The following EPHA6 variants were observed in gnomAD, a reference collection of about 807,000 sequenced individuals.
EPHA6 encodes ephrin type-A receptor 6.
A neutral mutation model predicts 112.0 loss-of-function variants in EPHA6; 50 were observed. The ratio of observed to expected loss-of-function variants is 0.45; its 90% CI spans 0.36 to 0.56. The LOEUF (loss-of-function observed/expected upper bound fraction) is 0.56, where lower values mean the gene tolerates loss of function less well. Among genes scored for constraint, EPHA6 ranks in the 20% least tolerant of loss-of-function variants. The pLI, the probability that EPHA6 is intolerant of heterozygous loss-of-function variation, is 0.00. For missense variants in EPHA6, 1,280 were observed against 1,417.4 expected (o/e 0.90, Z 1.56); for synonymous variants, 529 against 490.7 (o/e 1.08, Z -1.03).
chr3:96,892,143 T>A (rs964363569), intron 2 of EPHA6, among the ~76,000 whole-genome samples: 7 of 152,196 alleles, frequency 4.6e-5, no homozygotes, highest in African/African-American at 1.7e-4. Context: ...TATAGAGAGA[T>A]ACCACATCAT....
intron 11 of EPHA6, among the ~76,000 whole-genome samples, chr3:97,539,003 CTTT>C: frequency 6.7e-6 from 1 of 149,514 alleles, no homozygotes; most frequent in South Asian, 2.1e-4. Flanking sequence ...TTCTTTCTTT[CTTT>C]CTTTCTTTCT....
Position 97,698,383 on chromosome 3 carries a change from C to T in EPHA6, c.2785-21878C>T, listed in dbSNP as rs1042558507. Among the ~76,000 whole-genome samples, 6 of 151,918 alleles carry T rather than the reference C, an allele frequency of 3.9e-5. No individual in the cohort carries two copies. The South Asian group carries it at 8.3e-4, about 21-fold the overall frequency. ...AAAAAAATGCATGATAATCAAACTG[C>T]TTCACAATCTATTTCTTGAATTAAA... On this transcript the variant is annotated intron_variant, in intron 14 of 17. Coordinates refer to ENST00000389672, the MANE Select transcript of EPHA6 (RefSeq NM_001080448.3).
In EPHA6 at chr3:96,814,959, T is replaced by C; in HGVS notation, c.336T>C (p.Pro112=). 6.5e-7 allele frequency: 1 copy of C among 1,547,506 alleles called. No homozygotes were observed. Among genetic ancestry groups the C allele is most frequent in the Non-Finnish European group, 8.7e-7 (1 of 1,144,144 alleles). ...TTTTGCAATTTGGTTTCTTCTTGCCTCTGCTGACAGCGTGGCCAGGCGACT... is the reference window on the plus strand; with the variant it reads ...TTTTGCAATTTGGTTTCTTCTTGCCCCTGCTGACAGCGTGGCCAGGCGACT... ...EFLLQFGFFL[P]LLTAWPGDCS... Residue 112 remains proline (P), a synonymous_variant, in exon 1 of 18, where the codon CCT becomes CCC. Transcript: ENST00000389672.
chr3:97,021,481 CTTAAGTAT>C (rs2044458344), intron 3 of EPHA6, among the ~76,000 whole-genome samples: 1 of 152,148 alleles, frequency 6.6e-6, no homozygotes, highest in South Asian at 2.1e-4. Flanking sequence ...CTTCCTCTGT[CTTAAGTAT>C]CTCCTCTTCT....
chr3:97,268,135 A>G (rs2079752753), intron 5 of EPHA6, among the ~76,000 whole-genome samples: 1 of 152,178 alleles, frequency 6.6e-6, no homozygotes, highest in Non-Finnish European at 1.5e-5. Flanking sequence ...TCCAGGCAGC[A>G]TATCTGTTTG....
intron 2 of EPHA6, among the ~76,000 whole-genome samples, chr3:96,950,859 A>G (rs574675946): frequency 3.9e-5 from 6 of 152,188 alleles, no homozygotes; most frequent in African/African-American, 1.4e-4. Context: ...ATTATTGAAC[A>G]TTTAAATGTT....
intron 3 of EPHA6, among the ~76,000 whole-genome samples, chr3:97,031,678 C>CA (rs2044851765): frequency 3.9e-5 from 6 of 151,994 alleles, no homozygotes; most frequent in African/African-American, 1.2e-4. Context: ...TATATGCAGC[C>CA]AAAAAATGCA....
intron 3 of EPHA6, among the ~76,000 whole-genome samples, chr3:97,006,919 G>A (rs796829975): frequency 7.2e-4 from 109 of 152,266 alleles, no homozygotes; most frequent in African/African-American, 2.5e-3. Flanking sequence ...GGTTTTGAGT[G>A]GGTTTCTTAA....
At chr3:97,087,056 C>A (rs139398724) in intron 3 of EPHA6, among the ~76,000 whole-genome samples, 48 of 152,234 alleles carry the variant, frequency 3.2e-4, no homozygotes, top group African/African-American at 1.1e-3. Flanking sequence ...TTGCCTTGAG[C>A]CTGGACACTA....
intron 5 of EPHA6, among the ~76,000 whole-genome samples, chr3:97,387,316 G>GTTT (rs1451719738): frequency 0.011 from 1,427 of 132,212 alleles, 27 homozygotes; most frequent in African/African-American, 0.036. Context: ...TTACAATTCA[G>GTTT]TTTTTTTTTT....
At chr3:97,715,019 T>C (rs1312391669) in intron 14 of EPHA6, among the ~76,000 whole-genome samples, 1 of 152,228 alleles carries the variant, frequency 6.6e-6, no homozygotes, top group East Asian at 1.9e-4. Flanking sequence ...TTCATGCTGT[T>C]GTCTTCTTAA....
chr3:97,706,116 C>T (rs1279925621), intron 14 of EPHA6, among the ~76,000 whole-genome samples: 1 of 152,202 alleles, frequency 6.6e-6, no homozygotes, highest in Non-Finnish European at 1.5e-5. Flanking sequence ...GACCTTTCAA[C>T]CTGCTTGGTA....
At chr3:96,823,856 C>G (rs1168992559) in intron 1 of EPHA6, among the ~76,000 whole-genome samples, 8 of 151,694 alleles carry the variant, frequency 5.3e-5, no homozygotes, top group African/African-American at 1.9e-4. Context: ...TCATTTTCAT[C>G]TGAAAAAGAA....
chr3:97,093,855 C>T (rs1444995115), intron 3 of EPHA6, among the ~76,000 whole-genome samples: 2 of 152,028 alleles, frequency 1.3e-5, no homozygotes, highest in African/African-American at 4.8e-5. Flanking sequence ...ACATTCTTTC[C>T]CACGGGAGTA....
At chr3:96,893,633 G>A (rs1462395500) in intron 2 of EPHA6, among the ~76,000 whole-genome samples, 1 of 152,154 alleles carries the variant, frequency 6.6e-6, no homozygotes, top group Non-Finnish European at 1.5e-5. Context: ...TAAAGTATCT[G>A]CTCATTGAAA....
intron 2 of EPHA6, among the ~76,000 whole-genome samples, chr3:96,965,750 T>TATTATACATACATACA (rs1481446816): frequency 6.6e-6 from 1 of 152,166 alleles, no homozygotes; most frequent in Non-Finnish European, 1.5e-5. Flanking sequence ...GCAACATTTG[T>TATTATACATACATACA]TTATACTATG....
At chr3:97,079,327 C>T (rs1479017321) in intron 3 of EPHA6, among the ~76,000 whole-genome samples, 1 of 152,006 alleles carries the variant, frequency 6.6e-6, no homozygotes, top group East Asian at 1.9e-4. Context: ...AGACCATTAT[C>T]CTTAGCAAAC....
intron 5 of EPHA6, among the ~76,000 whole-genome samples, chr3:97,362,550 G>A (rs563319653): frequency 1.8e-4 from 27 of 152,064 alleles, no homozygotes; most frequent in African/African-American, 6.5e-4. Flanking sequence ...ATGTTTATGG[G>A]CTACTGAGAG....
chr3:97,729,807 C>A (rs2034954780), intron 15 of EPHA6, among the ~76,000 whole-genome samples: 1 of 151,648 alleles, frequency 6.6e-6, no homozygotes, highest in Non-Finnish European at 1.5e-5. Flanking sequence ...TATAAATATC[C>A]TAATCTGTAT....
Sources: allele counts gnomAD v4.1 joint callset (sites outside exome capture counted in the v4.1 genomes callset), GRCh38; gene constraint gnomAD v4.1.1; transcripts MANE v1.5; gene names NCBI Gene and HGNC (gene_info 2026-07-23, HGNC 2026-07-21).